Variants in CNTLN observed in about 807,000 individuals in gnomAD.
The protein encoded by CNTLN is centlein, centrosomal protein.
In CNTLN, 212 loss-of-function variants were observed where a neutral mutation model predicts 180.0. The ratio of observed to expected loss-of-function variants is 1.18; its 90% CI spans 1.05 to 1.32. CNTLN has a LOEUF of 1.32. Among genes scored for constraint, CNTLN ranks in the 40% most tolerant of loss-of-function variants. CNTLN has a pLI of 0.00. For synonymous variants in CNTLN, 722 were observed against 563.1 expected (o/e 1.28, Z -3.99); for missense variants, 2,095 against 1,610.9 (o/e 1.30, Z -5.14).
the CNTLN span, among the ~76,000 whole-genome samples, chr9:17,521,087 T>C: frequency 3.3e-5 from 5 of 152,150 alleles, no homozygotes; most frequent in Non-Finnish European, 7.3e-5. Context: ...GTAATCTAAC[T>C]AGACAAGGCA....
chr9:17,177,798 G>A (rs1260828422), intron 2 of CNTLN, among the ~76,000 whole-genome samples: 24 of 152,142 alleles, frequency 1.6e-4, no homozygotes, highest in African/African-American at 5.8e-4. Flanking sequence ...GAGCAGCAGC[G>A]AGATTTATTG....
chr9:17,475,868 CTCTCA>C (rs1463946843), intron 23 of CNTLN, among the ~76,000 whole-genome samples: 13 of 55,978 alleles, frequency 2.3e-4, no homozygotes, highest in Non-Finnish European at 6.8e-4. Flanking sequence ...GCAAGACTCT[CTCTCA>C]AAAAAAAAAA....
At chr9:17,262,771 C>G (rs1232965081) in intron 5 of CNTLN, among the ~76,000 whole-genome samples, 1 of 151,192 alleles carries the variant, frequency 6.6e-6, no homozygotes, top group East Asian at 1.9e-4. Context: ...TTAGGTATCT[C>G]TGTATTTTTC....
intron 15 of CNTLN, among the ~76,000 whole-genome samples, chr9:17,395,989 G>T (rs1826488798): frequency 6.6e-6 from 1 of 152,188 alleles, no homozygotes; most frequent in Non-Finnish European, 1.5e-5. Context: ...TTACGGTAGA[G>T]GAGCCAGCCA....
intron 19 of CNTLN, among the ~76,000 whole-genome samples, chr9:17,459,903 G>A (rs1040773565): frequency 7.3e-5 from 11 of 151,486 alleles, no homozygotes; most frequent in African/African-American, 2.7e-4. Context: ...CTGAGGGTTC[G>A]GTGAGAACTT....
chr9:17,194,241 G>T (rs1452050733), intron 2 of CNTLN, among the ~76,000 whole-genome samples: 1 of 152,164 alleles, frequency 6.6e-6, no homozygotes, highest in Non-Finnish European at 1.5e-5. Flanking sequence ...AATTTCTGCA[G>T]CCAGTTTGAA....
At chr9:17,414,080 A>G (rs1005029733) in intron 16 of CNTLN, among the ~76,000 whole-genome samples, 28 of 152,162 alleles carry the variant, frequency 1.8e-4, no homozygotes, top group African/African-American at 6.0e-4. Context: ...TCTGACCTGA[A>G]ATTTCTCATC....
intron 7 of CNTLN, among the ~76,000 whole-genome samples, chr9:17,304,229 C>G (rs1170552620): frequency 6.6e-6 from 1 of 152,108 alleles, no homozygotes; most frequent in Non-Finnish European, 1.5e-5. Flanking sequence ...GTCTCATATA[C>G]AAGTCTACCA....
intron 23 of CNTLN, among the ~76,000 whole-genome samples, chr9:17,475,887 A>C (rs1308173281): frequency 1.3e-5 from 2 of 151,944 alleles, no homozygotes; most frequent in Non-Finnish European, 1.5e-5. Context: ...AAAAAAAAAA[A>C]AAAGAAGATA....
At chr9:17,516,047 C>T in the CNTLN span, among the ~76,000 whole-genome samples, 2 of 152,216 alleles carry the variant, frequency 1.3e-5, no homozygotes, top group Non-Finnish European at 2.9e-5. Flanking sequence ...CTGTGCCCAA[C>T]TCAGTACCTT....
intron 8 of CNTLN, among the ~76,000 whole-genome samples, chr9:17,321,683 G>A (rs1819922334): frequency 6.6e-6 from 1 of 152,166 alleles, no homozygotes; most frequent in Non-Finnish European, 1.5e-5. Context: ...TGGTTTTTCA[G>A]GTGGTAGGGA....
At chr9:17,496,399 T>C (rs556714009) in intron 25 of CNTLN, among the ~76,000 whole-genome samples, 24 of 151,844 alleles carry the variant, frequency 1.6e-4, no homozygotes, top group Admixed American at 1.2e-3. Flanking sequence ...TCTCATTGTA[T>C]TCTCACATAG....
intron 7 of CNTLN, among the ~76,000 whole-genome samples, chr9:17,308,355 A>C (rs1251702033): frequency 1.3e-5 from 2 of 152,140 alleles, no homozygotes; most frequent in Admixed American, 1.3e-4. Flanking sequence ...TGTTGTCTGC[A>C]GAACAAATCC....
chr9:17,356,831 A>G (rs946129357), intron 12 of CNTLN, among the ~76,000 whole-genome samples: 1 of 152,118 alleles, frequency 6.6e-6, no homozygotes, highest in Non-Finnish European at 1.5e-5. Flanking sequence ...AAGCTCTTCT[A>G]TGCGTTTCCA....
intron 8 of CNTLN, among the ~76,000 whole-genome samples, chr9:17,318,807 C>T (rs1032924737): frequency 5.3e-5 from 8 of 151,974 alleles, no homozygotes; most frequent in African/African-American, 1.7e-4. Context: ...GTATTCAGTC[C>T]AACTAGACTC....
At chr9:17,316,547 C>G (rs1819549750) in intron 8 of CNTLN, among the ~76,000 whole-genome samples, 1 of 151,846 alleles carries the variant, frequency 6.6e-6, no homozygotes, top group Admixed American at 6.6e-5. Flanking sequence ...CTGGTTTTAG[C>G]CATATCATAA....
chr9:17,202,464 T>A (rs1822598351), intron 2 of CNTLN, among the ~76,000 whole-genome samples: 1 of 152,146 alleles, frequency 6.6e-6, no homozygotes, highest in Non-Finnish European at 1.5e-5. Context: ...TCTAAGTCTC[T>A]TTGTAGGTAT....
intron 18 of CNTLN, among the ~76,000 whole-genome samples, chr9:17,416,594 A>G (rs1828274247): frequency 6.6e-6 from 1 of 152,176 alleles, no homozygotes; most frequent in African/African-American, 2.4e-5. Context: ...TAATATATTC[A>G]TCAGTTACTC....
rs145646692 is a variant in CNTLN, at chr9:17,253,571, C to A, written c.849+16983C>A. ...TTTTTGATTTCTTCTTCAGCTATTT[C>A]ATTACTAATGTATGGAAATGCTACT... is the stretch of plus-strand genomic sequence containing the variant. On this transcript the variant is annotated intron_variant, in intron 5 of 25. Coordinates refer to ENST00000380647, the MANE Select transcript of CNTLN (RefSeq NM_017738.4). Among the ~76,000 whole-genome samples the A allele has an allele frequency of 1.0e-3, 155 of 151,166 alleles. No individual in the cohort carries two copies. The Middle Eastern group carries it at 0.034, about 33-fold the overall frequency.
Sources: gnomAD v4.1 joint callset for allele counts (sites outside exome capture counted in the v4.1 genomes callset) on GRCh38, gnomAD v4.1.1 for gene constraint, MANE v1.5 for transcripts, NCBI Gene and HGNC (gene_info 2026-07-23, HGNC 2026-07-21) for gene names.